The following CACNA2D3 variants were observed in gnomAD, a reference collection of about 807,000 sequenced individuals.
The protein encoded by CACNA2D3 is voltage-dependent calcium channel subunit alpha-2/delta-3.
CACNA2D3 carries 60 observed loss-of-function variants against 160.6 expected under a neutral mutation model. The observed-to-expected ratio is 0.37, with a 90% confidence interval of 0.30 to 0.46. CACNA2D3 has a LOEUF of 0.46. CACNA2D3 is among the 20% of genes least tolerant of loss of function. The pLI, the probability that CACNA2D3 is intolerant of heterozygous loss-of-function variation, is 1.00. For synonymous variants in CACNA2D3, 558 were observed against 492.9 expected, an observed-to-expected ratio of 1.13 and a Z score of -1.75; for missense variants, 1,205 against 1,365.0, an observed-to-expected ratio of 0.88 and a Z score of 1.85.
chr3:54,277,047 C>G (rs1384575790), intron 2 of CACNA2D3, among the ~76,000 whole-genome samples: 3 of 152,214 alleles, frequency 2.0e-5, no homozygotes, highest in Non-Finnish European at 4.4e-5. Context: ...GGGCCCTGGT[C>G]CATGGCATGG....
intron 34 of CACNA2D3, among the ~76,000 whole-genome samples, chr3:55,017,483 A>G (rs1396932756): frequency 6.6e-6 from 1 of 152,104 alleles, no homozygotes; most frequent in Non-Finnish European, 1.5e-5. Flanking sequence ...ATTATGTTCC[A>G]GTTACTGTAC....
chr3:55,008,403 T>C (rs1703142367), intron 33 of CACNA2D3, among the ~76,000 whole-genome samples: 3 of 152,148 alleles, frequency 2.0e-5, no homozygotes, highest in African/African-American at 7.2e-5. Context: ...ATTAGACACA[T>C]TACAGAAACA....
At position 54,546,312 on chromosome 3, in the gene CACNA2D3, G is replaced by A. The variant is rs1040413953; in HGVS notation, c.545-16488G>A. ...TTACCCCTCATTTTTGTAGTTCCTTGGGCTAATATTTTGAAAGGTATTTTG... is the reference window on the plus strand; with the variant it reads ...TTACCCCTCATTTTTGTAGTTCCTTAGGCTAATATTTTGAAAGGTATTTTG... On this transcript the variant is annotated intron_variant, in intron 5 of 37. Transcript: ENST00000474759. Among the ~76,000 whole-genome samples, 4 of 152,200 alleles carry A rather than the reference G, an allele frequency of 2.6e-5. No individual in the cohort carries two copies. The South Asian group carries it at 6.2e-4, about 24-fold the overall frequency.
At chr3:54,297,706 C>A (rs571003971) in intron 2 of CACNA2D3, among the ~76,000 whole-genome samples, 1 of 135,770 alleles carries the variant, frequency 7.4e-6, no homozygotes, top group Non-Finnish European at 1.6e-5. Context: ...CCCCTCTCCC[C>A]GCCACCAAAA....
chr3:54,798,931 T>A (rs1702925430), intron 13 of CACNA2D3, among the ~76,000 whole-genome samples: 1 of 152,242 alleles, frequency 6.6e-6, no homozygotes, highest in Non-Finnish European at 1.5e-5. Flanking sequence ...AACTCTTCCT[T>A]AAACTTCCTG....
At chr3:54,424,261 A>G (rs78238387) in intron 4 of CACNA2D3, among the ~76,000 whole-genome samples, 5,173 of 152,256 alleles carry the variant, frequency 0.034, 265 homozygotes, top group African/African-American at 0.11. Context: ...GCCAGGCTGC[A>G]AAAAGAGGCA....
intron 4 of CACNA2D3, among the ~76,000 whole-genome samples, chr3:54,407,250 T>C (rs984494917): frequency 1.3e-5 from 2 of 152,160 alleles, no homozygotes; most frequent in Non-Finnish European, 2.9e-5. Context: ...TTGGTGTTTT[T>C]CATAGAGATA....
At chr3:55,009,282 A>G (rs1703160669) in intron 33 of CACNA2D3, 106 bp from the exon 34 acceptor site, 3 of 922,270 alleles carry the variant, frequency 3.3e-6, no homozygotes, top group Non-Finnish European at 5.3e-6. Flanking sequence ...CCAAATTGTG[A>G]TGTTCTCAAA....
intron 4 of CACNA2D3, among the ~76,000 whole-genome samples, chr3:54,403,043 G>T (rs1268865930): frequency 2.0e-5 from 3 of 152,090 alleles, no homozygotes; most frequent in Non-Finnish European, 4.4e-5. Context: ...GTGGGTCAAA[G>T]AAGAAATCAA....
chr3:55,039,159 C>A lies in CACNA2D3; in HGVS notation c.2987+20842C>A, dbSNP rs538726288. On this transcript the variant is annotated intron_variant, in intron 35 of 37. Transcript: ENST00000474759. Reference sequence around the variant, plus strand: ...TTCTTGAAATAGAGCCATAGAAAAACCTAAAAGAGGCAGAAGCACTCATTT... The same window carrying A: ...TTCTTGAAATAGAGCCATAGAAAAAACTAAAAGAGGCAGAAGCACTCATTT... 2.6e-5 allele frequency among the ~76,000 whole-genome samples: 4 copies of A among 152,070 alleles called. No individual in the cohort carries two copies. The South Asian group carries it at 6.2e-4, about 24-fold the overall frequency.
At chr3:54,610,417 G>A (rs1462685681) in intron 9 of CACNA2D3, among the ~76,000 whole-genome samples, 1 of 151,156 alleles carries the variant, frequency 6.6e-6, no homozygotes, top group African/African-American at 2.4e-5. Flanking sequence ...TTAATTTGCA[G>A]TGTAGCAGCA....
At chr3:54,834,736 T>C (rs1698632298) in intron 14 of CACNA2D3, among the ~76,000 whole-genome samples, 1 of 152,200 alleles carries the variant, frequency 6.6e-6, no homozygotes, top group South Asian at 2.1e-4. Context: ...AGATAGGCTA[T>C]ACAGATAGGG....
At chr3:55,059,935 GT>G (rs1209067507) in intron 35 of CACNA2D3, among the ~76,000 whole-genome samples, 1 of 151,998 alleles carries the variant, frequency 6.6e-6, no homozygotes, top group Non-Finnish European at 1.5e-5. Flanking sequence ...CTGCTCTTCT[GT>G]TTATCTGCTC....
chr3:54,839,762 G>A (rs1006144550), intron 16 of CACNA2D3, among the ~76,000 whole-genome samples: 4 of 152,174 alleles, frequency 2.6e-5, no homozygotes, highest in Non-Finnish European at 4.4e-5. Context: ...GGCAGGCAGT[G>A]GTTAGAGCTT....
intron 35 of CACNA2D3, among the ~76,000 whole-genome samples, chr3:55,022,832 C>G (rs358042): frequency 0.87 from 132,142 of 151,818 alleles, 57,720 homozygotes; most frequent in African/African-American, 0.94. Flanking sequence ...CAAAAACTTA[C>G]ATTTTGTTAA....
At chr3:54,638,623 C>G (rs1699432847) in intron 10 of CACNA2D3, 1 of 151,782 alleles carries the variant, frequency 6.6e-6, no homozygotes, top group Non-Finnish European at 1.5e-5. Context: ...ACTGAGGGGA[C>G]AGGCGGGAGG....
intron 13 of CACNA2D3, among the ~76,000 whole-genome samples, chr3:54,798,642 T>C (rs1702920012): frequency 6.6e-6 from 1 of 152,218 alleles, no homozygotes; most frequent in Admixed American, 6.5e-5. Flanking sequence ...AAATAGAGAA[T>C]GATGTTACTA....
chr3:54,762,169 A>G (rs1702091957), intron 12 of CACNA2D3, among the ~76,000 whole-genome samples: 1 of 152,132 alleles, frequency 6.6e-6, no homozygotes, highest in Non-Finnish European at 1.5e-5. Context: ...CTCTTTCCCA[A>G]GTTCTGTGTG....
At chr3:54,988,622 G>A (rs1314278292) in intron 31 of CACNA2D3, among the ~76,000 whole-genome samples, 4 of 152,300 alleles carry the variant, frequency 2.6e-5, no homozygotes, top group East Asian at 3.9e-4. Flanking sequence ...ATTGCACATC[G>A]GTGGCCAGTG....
Sources: allele counts gnomAD v4.1 joint callset (sites outside exome capture counted in the v4.1 genomes callset), GRCh38; gene constraint gnomAD v4.1.1; transcripts MANE v1.5; gene names NCBI Gene and HGNC (gene_info 2026-07-23, HGNC 2026-07-21).